The following TMBIM4 variants were observed in gnomAD, a reference collection of about 807,000 sequenced individuals.
The protein encoded by TMBIM4 is transmembrane BAX inhibitor motif containing 4.
Under a neutral mutation model 27.7 loss-of-function variants are expected in TMBIM4, and 28 were observed. The observed-to-expected ratio is 1.01, with a 90% CI of 0.75 to 1.38. The LOEUF is 1.38. TMBIM4 is among the 40% of genes most tolerant of loss of function. The pLI, the probability that TMBIM4 is intolerant of heterozygous loss-of-function variation, is 0.00. For synonymous variants in TMBIM4, 115 were observed against 113.1 expected (o/e 1.02, Z -0.11); for missense variants, 265 against 277.5 (o/e 0.95, Z 0.32).
Position 66,143,810 on chromosome 12 carries a change from G to A in TMBIM4, c.464+2031C>T, listed in dbSNP as rs147454816. ...ATTTTCACAGAAAATCTTTTCCCTCGGTCTTTATATCCATTTTGGCACTCA... is the reference window on the plus strand; with the variant it reads ...ATTTTCACAGAAAATCTTTTCCCTCAGTCTTTATATCCATTTTGGCACTCA... On this transcript the variant is annotated intron_variant, in intron 5 of 6. Transcript: ENST00000358230. Among the ~76,000 whole-genome samples the A allele has an allele frequency of 8.2e-3, 1,243 of 151,964 alleles. 26 individuals carry two copies. The highest frequency in any genetic ancestry group is 0.029 in the African/African-American group (1,186 of 41,410).
intron 1 of TMBIM4, among the ~76,000 whole-genome samples, 154 bp from the exon 2 acceptor site, chr12:66,153,602 A>G (rs1444833936): frequency 6.6e-6 from 1 of 152,182 alleles, no homozygotes; most frequent in Non-Finnish European, 1.5e-5. Flanking sequence ...AGACAAGAAT[A>G]CAAAGCTTCC....
At chr12:66,162,835 CTT>C (rs2052065190) in intron 1 of TMBIM4, among the ~76,000 whole-genome samples, 3 of 152,140 alleles carry the variant, frequency 2.0e-5, no homozygotes, top group South Asian at 2.1e-4. Flanking sequence ...ACAAAACACT[CTT>C]GATTCCTTCC....
chr12:66,169,953 A>T lies in TMBIM4; in HGVS notation c.-2T>A. 1 of 1,489,382 alleles carries T rather than the reference A, an allele frequency of 6.7e-7. No individual in the cohort carries two copies. Among genetic ancestry groups the T allele is most frequent in the Non-Finnish European group, 8.9e-7 (1 of 1,121,334 alleles). 92.3% of individuals were successfully genotyped at this position (1,489,382 alleles called of 1,614,324 possible). On this transcript the variant is annotated 5_prime_UTR_variant, in exon 1 of 7. Transcript: ENST00000358230. The stretch of plus-strand genomic sequence containing the variant: ...GTACCGGGGGTCGGGGTCAGCCATG[A>T]TGGCAACAGCACCCCTACCGGTCCC...
chr12:66,169,233 CA>C (rs2052189361), intron 1 of TMBIM4: 4 of 696,770 alleles, frequency 5.7e-6, no homozygotes, highest in Non-Finnish European at 1.0e-5. Flanking sequence ...ATTTTAAATT[CA>C]AAAATTTCTG....
At chr12:66,169,575 C>T (rs1333578477) in intron 1 of TMBIM4, 9 of 458,436 alleles carry the variant, frequency 2.0e-5, no homozygotes, top group Non-Finnish European at 3.1e-5. Flanking sequence ...CCTTCCTACA[C>T]CGCGGCGCCC....
At chr12:66,163,619 T>C (rs1396299597) in intron 1 of TMBIM4, among the ~76,000 whole-genome samples, 3 of 152,122 alleles carry the variant, frequency 2.0e-5, no homozygotes, top group Non-Finnish European at 4.4e-5. Context: ...TGTGATTAAA[T>C]TACCTCCCAC....
At chr12:66,153,494 C>G in intron 1 of TMBIM4, 46 bp from the exon 2 acceptor site, 1 of 1,150,814 alleles carries the variant, frequency 8.7e-7, no homozygotes, top group Non-Finnish European at 1.2e-6. Context: ...AACCATTTAT[C>G]ATAGAACAGT....
intron 2 of TMBIM4, among the ~76,000 whole-genome samples, chr12:66,152,666 AATATT>A (rs2051865993): frequency 6.6e-6 from 1 of 152,046 alleles, no homozygotes; most frequent in Non-Finnish European, 1.5e-5. Context: ...TTAGTATACT[AATATT>A]ATACAATAAA....
At chr12:66,147,530 A>T (rs1565783463) in intron 4 of TMBIM4, among the ~76,000 whole-genome samples, 1 of 152,244 alleles carries the variant, frequency 6.6e-6, no homozygotes, top group African/African-American at 2.4e-5. Context: ...TCAGTTTGGC[A>T]CAGGCCAGTT....
At chr12:66,164,943 G>C (rs2052100887) in intron 1 of TMBIM4, among the ~76,000 whole-genome samples, 1 of 152,092 alleles carries the variant, frequency 6.6e-6, no homozygotes, top group South Asian at 2.1e-4. Flanking sequence ...CAATGAGAAG[G>C]TTGGAAAGAA....
chr12:66,144,297 T>C (rs1056361120), intron 5 of TMBIM4, among the ~76,000 whole-genome samples: 12 of 151,984 alleles, frequency 7.9e-5, no homozygotes, highest in East Asian at 7.7e-4. Flanking sequence ...ACTGAAATGA[T>C]GCATAAAAGA....
chr12:66,157,208 CATACT>C (rs2051951316), intron 1 of TMBIM4, among the ~76,000 whole-genome samples: 1 of 152,098 alleles, frequency 6.6e-6, no homozygotes, highest in Non-Finnish European at 1.5e-5. Flanking sequence ...ATTAAGAATG[CATACT>C]CAGGGAAGGC....
At chr12:66,144,439 C>T (rs995240007) in intron 5 of TMBIM4, among the ~76,000 whole-genome samples, 3 of 152,114 alleles carry the variant, frequency 2.0e-5, no homozygotes, top group Admixed American at 6.5e-5. Context: ...TGCCCAACTA[C>T]AAGAAAAGTC....
intron 1 of TMBIM4, among the ~76,000 whole-genome samples, chr12:66,158,971 G>C (rs2051992219): frequency 6.6e-6 from 1 of 152,176 alleles, no homozygotes; most frequent in Admixed American, 6.5e-5. Context: ...AACACCTGGG[G>C]TTGATTTAGA....
intron 1 of TMBIM4, among the ~76,000 whole-genome samples, chr12:66,158,434 A>T (rs924911550): frequency 3.3e-5 from 5 of 151,820 alleles, no homozygotes; most frequent in Non-Finnish European, 7.4e-5. Context: ...AGGTCAGGAG[A>T]TCAAGACCAT....
rs1400912442 is a variant in TMBIM4, at chr12:66,136,093, A to G, written c.*1867T>C. ...AATTAAAAAAAAAAAAAAAAAAAAA[A>G]AAAGAAAATGGTATTAATACCATCA... On this transcript the variant is annotated 3_prime_UTR_variant, in exon 7 of 7. Coordinates refer to ENST00000358230, the MANE Select transcript of TMBIM4 (RefSeq NM_016056.4). The G allele has an allele frequency of 6.7e-6, 1 of 148,950 alleles. No individual in the cohort carries two copies. The allele number at this position is 148,950 out of a possible 1,614,324, so 9.2% of individuals were successfully genotyped here.
intron 3 of TMBIM4, among the ~76,000 whole-genome samples, chr12:66,148,891 C>A (rs1305510702): frequency 6.6e-6 from 1 of 152,084 alleles, no homozygotes; most frequent in East Asian, 1.9e-4. Flanking sequence ...GTCTTATATC[C>A]TTACTCTAGA....
Position 66,138,741 on chromosome 12 carries a change from G to T in TMBIM4, c.493C>A (p.Leu165Met). Residue 165 changes from leucine to methionine, a missense_variant, in exon 6 of 7, where the codon CTG (leucine) becomes ATG (methionine). By Grantham distance (15) the Leu-to-Met change is conservative. Transcript: ENST00000358230. ...GLFALLWILC[L>M]SGFLKFFFYS... The stretch of plus-strand genomic sequence containing the variant: ...TAACTTACCTTCAAGAATCCTGACA[G>T]GCACAATATCCACAAAAGAGCAAAC... 6.5e-7 allele frequency: 1 copy of T among 1,548,304 alleles called. No individual in the cohort carries two copies. Among genetic ancestry groups the T allele is most frequent in the South Asian group, 1.2e-5 (1 of 80,030 alleles).
At chr12:66,145,788 C>T (rs1242084168) in intron 5 of TMBIM4, 53 bp downstream of exon 5, 2 of 1,051,396 alleles carry the variant, frequency 1.9e-6, no homozygotes, top group South Asian at 2.8e-5. Flanking sequence ...TCAAAACCAC[C>T]TATAATAATT....
Sources: allele counts gnomAD v4.1 joint callset (sites outside exome capture counted in the v4.1 genomes callset), GRCh38; gene constraint gnomAD v4.1.1; transcripts MANE v1.5; gene names NCBI Gene and HGNC (gene_info 2026-07-23, HGNC 2026-07-21).